Variants in ANK3 observed in about 807,000 individuals in gnomAD.
The protein encoded by ANK3 is ankyrin 3.
ANK3 carries 57 observed loss-of-function variants against 370.9 expected under a neutral mutation model. The observed-to-expected ratio is 0.15, with a 90% confidence interval of 0.12 to 0.19. The LOEUF is 0.19. ANK3 is among the 10% of genes least tolerant of loss of function. ANK3 has a pLI of 1.00. For synonymous variants in ANK3, 1,929 were observed against 1,946.3 expected (o/e 0.99, Z 0.23); for missense variants, 4,439 against 5,302.1 (o/e 0.84, Z 5.06).
At chr10:60,361,959 T>A (rs1245118672) in intron 1 of ANK3, among the ~76,000 whole-genome samples, 1 of 152,202 alleles carries the variant, frequency 6.6e-6, no homozygotes, top group Non-Finnish European at 1.5e-5. Context: ...CAAAAAACTT[T>A]AAGGTTGAAA....
Position 60,069,915 on chromosome 10 carries a change from C to T in ANK3, c.10966G>A (p.Ala3656Thr), listed in dbSNP as rs2082389458. 6.2e-7 allele frequency: 1 copy of T among 1,613,910 alleles called. No homozygotes were observed. Among genetic ancestry groups the T allele is most frequent in the Non-Finnish European group, 8.5e-7 (1 of 1,179,944 alleles). The stretch of plus-strand genomic sequence containing the variant: ...TCCCCTGACTGTGGCTGTGGTGTGG[C>T]AGTGACCATACTTTTATCCCCTTCC... ...QGEGDKSMVT[A>T]TPQPQSGDTT... Residue 3656 changes from alanine to threonine, a missense_variant, in exon 37 of 44, where the codon GCC becomes ACC. This residue lies in a region of ANK3 where 496 missense variants were observed against 529.3 expected (regional missense o/e 0.94). Coordinates refer to ENST00000280772, the MANE Select transcript of ANK3 (RefSeq NM_020987.5).
At chr10:60,659,106 T>A (rs2078904536) in intron 1 of ANK3, among the ~76,000 whole-genome samples, 1 of 152,126 alleles carries the variant, frequency 6.6e-6, no homozygotes, top group African/African-American at 2.4e-5. Context: ...TAGCCCTAAA[T>A]ATAAAAGCTA....
chr10:60,675,599 T>C (rs1304350787), intron 1 of ANK3, among the ~76,000 whole-genome samples: 1 of 152,220 alleles, frequency 6.6e-6, no homozygotes, highest in Non-Finnish European at 1.5e-5. Context: ...AGTAGTCCTG[T>C]AGAAATAAGA....
chr10:60,505,015 A>C lies in ANK3; in HGVS notation c.96+110171T>G, dbSNP rs189732799. Reference sequence around the variant, plus strand: ...ATATTGTTGTAGTTATCTAAAAAAAACTCCCTTTTTTAGACACGTATATGA... The same window carrying C: ...ATATTGTTGTAGTTATCTAAAAAAACCTCCCTTTTTTAGACACGTATATGA... On this transcript the variant is annotated intron_variant, in intron 2 of 43. Transcript: ENST00000373827. 1.6e-3 allele frequency among the ~76,000 whole-genome samples: 245 copies of C among 151,996 alleles called. 2 individuals carry two copies. Among genetic ancestry groups the C allele is most frequent in the African/African-American group, 5.6e-3 (234 of 41,482 alleles).
At position 60,326,815 on chromosome 10, in the gene ANK3, A is replaced by G. The variant is rs369454279; in HGVS notation, c.115-47176T>C. Among the ~76,000 whole-genome samples the G allele has an allele frequency of 4.6e-5, 7 of 152,230 alleles. No individual in the cohort carries two copies. The East Asian group carries it at 1.4e-3, about 30-fold the overall frequency. On this transcript the variant is annotated intron_variant, in intron 1 of 43. Coordinates refer to ENST00000280772, the MANE Select transcript of ANK3 (RefSeq NM_020987.5). The stretch of plus-strand genomic sequence containing the variant: ...GGCGGGCGGATCACGAGGTCAGGCT[A>G]TCGAGACCATCCTGGCTAACACAGT...
At chr10:60,390,424 G>A (rs886425139), upstream of ANK3, among the ~76,000 whole-genome samples, 1 of 152,162 alleles carries the variant, frequency 6.6e-6, no homozygotes, top group Non-Finnish European at 1.5e-5. Flanking sequence ...GCTGTAATCA[G>A]TGTTTCTGAG....
intron 2 of ANK3, among the ~76,000 whole-genome samples, chr10:60,404,404 A>G (rs2063412269): frequency 6.6e-6 from 1 of 152,200 alleles, no homozygotes; most frequent in Non-Finnish European, 1.5e-5. Context: ...ATAGACACAA[A>G]GATCAATGCA....
Position 60,334,472 on chromosome 10 carries a change from G to T in ANK3, c.115-54833C>A, listed in dbSNP as rs72822294. Among the ~76,000 whole-genome samples the T allele has an allele frequency of 5.4e-3, 820 of 152,232 alleles. 5 individuals are homozygous for T. The highest frequency in any genetic ancestry group is 0.015 in the South Asian group (71 of 4,810). ...TTATTACATATCTGCCAGTTAGAGA[G>T]GTTCAAGTCTATCTAGGTGCAGAGG... On this transcript the variant is annotated intron_variant, in intron 1 of 43. Coordinates refer to ENST00000280772, the MANE Select transcript of ANK3 (RefSeq NM_020987.5).
intron 43 of ANK3, among the ~76,000 whole-genome samples, chr10:60,039,280 C>A (rs1429295395): frequency 6.6e-6 from 1 of 152,210 alleles, no homozygotes; most frequent in Admixed American, 6.5e-5. Flanking sequence ...GCTGTGAGAA[C>A]CTGAGCATTT....
intron 1 of ANK3, among the ~76,000 whole-genome samples, chr10:60,316,555 C>T (rs1299994076): frequency 3.9e-5 from 6 of 151,986 alleles, no homozygotes; most frequent in Non-Finnish European, 8.8e-5. Context: ...GTAATATATA[C>T]AATGAGGTTA....
chr10:60,415,930 C>T (rs1279917918), intron 2 of ANK3, among the ~76,000 whole-genome samples: 4 of 132,050 alleles, frequency 3.0e-5, no homozygotes, highest in East Asian at 2.3e-4. Flanking sequence ...CCCACCCCCC[C>T]GCCATTCATG....
Position 60,253,244 on chromosome 10 carries a change from T to C in ANK3, c.798+8615A>G, listed in dbSNP as rs145647361. Among the ~76,000 whole-genome samples, 602 of 152,298 alleles carry C rather than the reference T, an allele frequency of 4.0e-3. 8 individuals carry two copies. The highest frequency in any genetic ancestry group is 0.014 in the African/African-American group (574 of 41,556). On this transcript the variant is annotated intron_variant, in intron 7 of 43. Transcript: ENST00000280772. ...AGGACAAGGGCTTGGGGTTGGCTGATGTCTCTCTCATTTGGCTAAAATAAC... is the reference window on the plus strand; with the variant it reads ...AGGACAAGGGCTTGGGGTTGGCTGACGTCTCTCTCATTTGGCTAAAATAAC...
intron 1 of ANK3, among the ~76,000 whole-genome samples, chr10:60,682,530 C>A (rs1219465684): frequency 6.6e-6 from 1 of 152,110 alleles, no homozygotes; most frequent in African/African-American, 2.4e-5. Flanking sequence ...CAGGCACAGG[C>A]CTCTTACCTT....
chr10:60,294,726 C>T (rs2042146665), intron 1 of ANK3, among the ~76,000 whole-genome samples: 1 of 151,964 alleles, frequency 6.6e-6, no homozygotes, highest in South Asian at 2.1e-4. Flanking sequence ...GTCAGATAGA[C>T]AGATAGATAG....
chr10:60,390,663 G>A (rs555162693), upstream of ANK3, among the ~76,000 whole-genome samples: 1 of 151,552 alleles, frequency 6.6e-6, no homozygotes, highest in South Asian at 2.1e-4. Flanking sequence ...CACAGTAAGC[G>A]CTTTAGCAAG....
chr10:60,072,458 T>C lies in ANK3; in HGVS notation c.8423A>G (p.Asn2808Ser). ...CATTTCAGTTCTCTGTTTTTTCACA[T>C]TATCAGAGCCAGAATCATTTACAAC... ...EIVVNDSGSDNVKKQRTEMSS... is the reference protein window; with the variant it reads ...EIVVNDSGSDSVKKQRTEMSS... Residue 2808 changes from asparagine (N) to serine (S), a missense_variant, in exon 37 of 44, where the codon AAT becomes AGT. Physicochemically the swap from Asn to Ser is conservative, Grantham distance 46. Coordinates refer to ENST00000280772, the MANE Select transcript of ANK3 (RefSeq NM_020987.5). The C allele has an allele frequency of 6.2e-7, 1 of 1,614,098 alleles. No individual in the cohort carries two copies. The highest frequency in any genetic ancestry group is 8.5e-7 in the Non-Finnish European group (1 of 1,180,020).
At chr10:60,357,684 C>A (rs541929199) in intron 1 of ANK3, among the ~76,000 whole-genome samples, 4 of 152,126 alleles carry the variant, frequency 2.6e-5, no homozygotes, top group Non-Finnish European at 4.4e-5. Flanking sequence ...AGCAAATTTG[C>A]TTTTTCAGCC....
At chr10:60,043,315 C>T (rs1472695123) in intron 42 of ANK3, 1 of 985,002 alleles carries the variant, frequency 1.0e-6, no homozygotes, top group African/African-American at 1.8e-5. Flanking sequence ...CAGTTTTTAC[C>T]CAATTTTTAA....
rs777726523 is a variant in ANK3, at chr10:60,071,777, C to T, written c.9104G>A (p.Cys3035Tyr). 1.9e-6 allele frequency: 3 copies of T among 1,603,512 alleles called. No individual in the cohort carries two copies. The African/African-American group carries it at 4.0e-5, about 22-fold the overall frequency. Residue 3035 changes from cysteine (C) to tyrosine (Y), a missense_variant, in exon 37 of 44, where the codon TGC (cysteine) becomes TAC (tyrosine). Coordinates refer to ENST00000280772, the MANE Select transcript of ANK3 (RefSeq NM_020987.5). ...VSKHQSYVGLCPPLEETETSP... is the reference protein window; with the variant it reads ...VSKHQSYVGLYPPLEETETSP... ...GGTTTCGGTTTCCTCGAGAGGTGGG[C>T]ATAAACCTACATAACTCTGGTGTTT... is the stretch of plus-strand genomic sequence containing the variant.
Sources: allele counts gnomAD v4.1 joint callset (sites outside exome capture counted in the v4.1 genomes callset), GRCh38; gene constraint gnomAD v4.1.1; regional missense constraint gnomAD v4.1.1; transcripts MANE v1.5; gene names NCBI Gene and HGNC (gene_info 2026-07-23, HGNC 2026-07-21).